CSMD3: variants seen among roughly 807,000 people sequenced by gnomAD.
The protein encoded by CSMD3 is CUB and sushi domain-containing protein 3.
Under a neutral mutation model 435.2 loss-of-function variants are expected in CSMD3, and 177 were observed. The ratio of observed to expected loss-of-function variants is 0.41; its 90% CI spans 0.36 to 0.46. CSMD3 has a LOEUF of 0.46. Among genes scored for constraint, CSMD3 ranks in the 20% least tolerant of loss-of-function variants. CSMD3 has a pLI of 0.34. For missense variants in CSMD3, 4,265 were observed against 4,504.6 expected (o/e 0.95, Z 1.52); for synonymous variants, 1,656 against 1,520.5 (o/e 1.09, Z -2.07).
At chr8:112,299,366 T>A (rs1244914676) in intron 53 of CSMD3, among the ~76,000 whole-genome samples, 1 of 151,950 alleles carries the variant, frequency 6.6e-6, no homozygotes, top group Non-Finnish European at 1.5e-5. Flanking sequence ...TTGCCGAGTT[T>A]AAAAAAAACT....
At chr8:113,254,939 T>C (rs2093367042) in intron 3 of CSMD3, among the ~76,000 whole-genome samples, 1 of 152,078 alleles carries the variant, frequency 6.6e-6, no homozygotes, top group Non-Finnish European at 1.5e-5. Flanking sequence ...ATTATAACAA[T>C]TGGGTGAAAG....
intron 2 of CSMD3, among the ~76,000 whole-genome samples, chr8:113,288,801 T>C (rs972652985): frequency 3.3e-5 from 5 of 151,796 alleles, no homozygotes; most frequent in African/African-American, 1.2e-4. Flanking sequence ...AGCAGTGTAA[T>C]ATTGGGCAAG....
chr8:112,612,707 T>C (rs1833355298), intron 22 of CSMD3, among the ~76,000 whole-genome samples: 2 of 116,502 alleles, frequency 1.7e-5, no homozygotes, highest in South Asian at 2.9e-4. Flanking sequence ...TCTTTCTTTG[T>C]TCTTTTTTTT....
At chr8:112,233,717 C>G (rs1006103371) in intron 68 of CSMD3, among the ~76,000 whole-genome samples, 1 of 152,074 alleles carries the variant, frequency 6.6e-6, no homozygotes, top group African/African-American at 2.4e-5. Context: ...AGTCAGATCT[C>G]TCATGCTGAC....
At chr8:112,940,218 CCCTGCTGTTT>C (rs1317886551) in intron 9 of CSMD3, among the ~76,000 whole-genome samples, 13 of 151,668 alleles carry the variant, frequency 8.6e-5, no homozygotes, top group African/African-American at 3.1e-4. Context: ...GTAGCATGTT[CCCTGCTGTTT>C]CACTGCTGAG....
chr8:112,935,877 G>A (rs1199873160), intron 9 of CSMD3, among the ~76,000 whole-genome samples: 1 of 152,074 alleles, frequency 6.6e-6, no homozygotes, highest in Non-Finnish European at 1.5e-5. Flanking sequence ...CAGTAGAAGA[G>A]AGATGGTTTA....
intron 10 of CSMD3, among the ~76,000 whole-genome samples, chr8:112,881,089 G>A (rs2081434738): frequency 6.6e-6 from 1 of 151,966 alleles, no homozygotes; most frequent in Non-Finnish European, 1.5e-5. Flanking sequence ...AAAGAACTAT[G>A]ATGCACTCAA....
At chr8:113,204,551 A>G (rs1462066546) in intron 3 of CSMD3, among the ~76,000 whole-genome samples, 2 of 152,142 alleles carry the variant, frequency 1.3e-5, no homozygotes, top group African/African-American at 4.8e-5. Flanking sequence ...TGGATTTTAA[A>G]GTTCTCAGTA....
At chr8:113,235,317 T>C (rs898329732) in intron 3 of CSMD3, among the ~76,000 whole-genome samples, 1 of 152,136 alleles carries the variant, frequency 6.6e-6, no homozygotes, top group African/African-American at 2.4e-5. Context: ...TCTCACCAGG[T>C]TCTGCATTAC....
chr8:112,981,070 T>C (rs2085034031), intron 6 of CSMD3, among the ~76,000 whole-genome samples: 1 of 151,542 alleles, frequency 6.6e-6, no homozygotes, highest in Non-Finnish European at 1.5e-5. Flanking sequence ...AAAAAATGTA[T>C]ATCTACATTG....
At chr8:112,760,224 T>A (rs2077804711) in intron 13 of CSMD3, among the ~76,000 whole-genome samples, 2 of 152,160 alleles carry the variant, frequency 1.3e-5, no homozygotes, top group Non-Finnish European at 2.9e-5. Context: ...ACCTTTTTAT[T>A]TAGCAAAGTG....
intron 38 of CSMD3, among the ~76,000 whole-genome samples, chr8:112,372,947 G>A (rs1321648727): frequency 8.4e-6 from 1 of 118,758 alleles, no homozygotes; most frequent in Non-Finnish European, 2.0e-5. Context: ...GCATGTCTGT[G>A]TAGTAACTCT....
chr8:112,227,386 G>A (rs1812671616), intron 70 of CSMD3, among the ~76,000 whole-genome samples: 1 of 152,172 alleles, frequency 6.6e-6, no homozygotes, highest in South Asian at 2.1e-4. Flanking sequence ...GCAGTTACCT[G>A]CAGCTGGATG....
chr8:113,087,488 T>C (rs1359506517), intron 5 of CSMD3, among the ~76,000 whole-genome samples: 2 of 152,324 alleles, frequency 1.3e-5, no homozygotes, highest in African/African-American at 2.4e-5. Context: ...CAAAACAGCA[T>C]GGTACTGGTA....
chr8:113,068,576 G>A (rs2088963719), intron 5 of CSMD3, among the ~76,000 whole-genome samples: 1 of 152,084 alleles, frequency 6.6e-6, no homozygotes, highest in African/African-American at 2.4e-5. Flanking sequence ...GGTTAGAAAT[G>A]TCAACTGGCA....
In CSMD3 at chr8:112,223,638, C is replaced by G. The variant is rs1394910695; in HGVS notation, c.*1133G>C. On this transcript the variant is annotated 3_prime_UTR_variant, in exon 71 of 71. Coordinates refer to ENST00000297405, the MANE Select transcript of CSMD3 (RefSeq NM_198123.2). ...AAAAATATATAAAAATATGATAAGT[C>G]CACAATTGTAGGCAATAAATTTATA... 1 of 151,886 alleles carries G rather than the reference C, an allele frequency of 6.6e-6. No homozygotes were observed. Among genetic ancestry groups the G allele is most frequent in the Non-Finnish European group, 1.5e-5 (1 of 67,966 alleles). 9.4% of individuals were successfully genotyped at this position (151,886 alleles called of 1,614,324 possible).
At chr8:112,941,797 T>C (rs1221410275) in intron 9 of CSMD3, among the ~76,000 whole-genome samples, 1 of 151,710 alleles carries the variant, frequency 6.6e-6, no homozygotes, top group Non-Finnish European at 1.5e-5. Context: ...ATTTATTTTC[T>C]AGAGAATTTT....
intron 4 of CSMD3, among the ~76,000 whole-genome samples, chr8:113,155,550 C>A (rs181530563): frequency 1.5e-4 from 23 of 152,078 alleles, no homozygotes; most frequent in Non-Finnish European, 2.8e-4. Context: ...GAGGGCAAGA[C>A]CACAGGGTCA....
rs1307695684 is a variant in CSMD3 at position 112,556,714 on chromosome 8, A to T, written c.4234+49T>A. The T allele has an allele frequency of 2.7e-6, 4 of 1,467,674 alleles. No homozygotes were observed. In the Admixed American group the frequency reaches 6.8e-5, roughly 25 times the overall value. The allele number at this position is 1,467,674 out of a possible 1,614,324, so 90.9% of individuals were successfully genotyped here. ...ATTTCTTAAAAATGCAAAGAATTTG[A>T]TAAAGTTTTCACAGAAATATTCAAT... On this transcript the variant is annotated intron_variant, in intron 25 of 70. Transcript: ENST00000297405.
Sources: allele counts gnomAD v4.1 joint callset (sites outside exome capture counted in the v4.1 genomes callset), GRCh38; gene constraint gnomAD v4.1.1; transcripts MANE v1.5; gene names NCBI Gene and HGNC (gene_info 2026-07-23, HGNC 2026-07-21).